Variants in BAIAP2 observed in about 807,000 individuals in gnomAD.
The protein encoded by BAIAP2 is BAR/IMD domain containing adaptor protein 2.
Under a neutral mutation model 63.0 loss-of-function variants are expected in BAIAP2, and 18 were observed. The ratio of observed to expected loss-of-function variants is 0.29; its 90% CI spans 0.20 to 0.42. The LOEUF is 0.42. BAIAP2 is among the 10% of genes least tolerant of loss of function. The pLI is 1.00. For synonymous variants in BAIAP2, 386 were observed against 307.6 expected (o/e 1.25, Z -2.67); for missense variants, 610 against 734.3 (o/e 0.83, Z 1.96).
chr17:81,041,281 C>T (rs1468127794), intron 1 of BAIAP2, among the ~76,000 whole-genome samples: 1 of 152,200 alleles, frequency 6.6e-6, no homozygotes, highest in Non-Finnish European at 1.5e-5. Context: ...CAGGATGCTC[C>T]CAGGGTCCCT....
At position 81,116,259 on chromosome 17, in the gene BAIAP2, G is replaced by A. The variant is rs1475043194; in HGVS notation, c.*420G>A. The A allele has an allele frequency of 6.2e-7, 1 of 1,612,826 alleles. No homozygotes were observed. The highest frequency in any genetic ancestry group is 1.7e-5 in the Admixed American group (1 of 60,028). On this transcript the variant is annotated 3_prime_UTR_variant, in exon 14 of 14. Transcript: ENST00000428708. ...GATCTGTCCGCCCAAGGGCCAGAAG[G>A]CCGGGAGCACGGGGATGGGAGCGCC... is the stretch of plus-strand genomic sequence containing the variant.
At chr17:81,040,623 T>A (rs1182632196) in intron 1 of BAIAP2, among the ~76,000 whole-genome samples, 2 of 152,262 alleles carry the variant, frequency 1.3e-5, no homozygotes, top group African/African-American at 4.8e-5. Flanking sequence ...GAACACATCT[T>A]GTTTCTGGAT....
intron 6 of BAIAP2, chr17:81,086,871 C>A: frequency 6.1e-6 from 2 of 329,574 alleles, no homozygotes; most frequent in Non-Finnish European, 1.1e-5. Context: ...CTGTTCTCCC[C>A]ATCCCTGCCC....
chr17:81,109,483 G>A (rs941908032), intron 13 of BAIAP2: 6 of 984,900 alleles, frequency 6.1e-6, no homozygotes, highest in South Asian at 4.7e-5. Context: ...CTGTTATCTC[G>A]CATCCGACTT....
At chr17:81,098,937 C>T (rs990064363) in intron 6 of BAIAP2, among the ~76,000 whole-genome samples, 7 of 151,974 alleles carry the variant, frequency 4.6e-5, no homozygotes, top group East Asian at 1.9e-4. Flanking sequence ...AAAGCTTCCG[C>T]GTTTGTCTGG....
At chr17:81,075,936 ATT>A (rs56219227) in intron 3 of BAIAP2, among the ~76,000 whole-genome samples, 13 of 145,358 alleles carry the variant, frequency 8.9e-5, no homozygotes, top group Admixed American at 1.4e-4. Context: ...TCTGCTGGGA[ATT>A]TTTTTTTTTT....
intron 9 of BAIAP2, 36 bp from the exon 10 acceptor site, chr17:81,104,477 CA>C (rs745380364): frequency 9.7e-6 from 15 of 1,549,966 alleles, no homozygotes; most frequent in Non-Finnish European, 1.2e-5. Flanking sequence ...CCCCGCCAGC[CA>C]GGGGCAGTCC....
intron 6 of BAIAP2, among the ~76,000 whole-genome samples, chr17:81,098,985 CA>C (rs1568166398): frequency 1.0e-5 from 1 of 95,762 alleles, no homozygotes; most frequent in African/African-American, 3.1e-5. Flanking sequence ...CCCATCCCCC[CA>C]TCCCCCCATC....
chr17:81,053,417 C>T (rs982720955), intron 1 of BAIAP2: 2 of 535,776 alleles, frequency 3.7e-6, no homozygotes, highest in Admixed American at 3.3e-5. Flanking sequence ...CGCAGACACT[C>T]CTCTGCGGCC....
chr17:81,097,854 C>T (rs2057894313), intron 6 of BAIAP2, among the ~76,000 whole-genome samples: 2 of 152,174 alleles, frequency 1.3e-5, no homozygotes, highest in Admixed American at 1.3e-4. Flanking sequence ...CTCGGGTGCT[C>T]CTCCCTTGCC....
intron 3 of BAIAP2, among the ~76,000 whole-genome samples, chr17:81,080,348 G>C (rs1250921011): frequency 6.6e-6 from 1 of 152,246 alleles, no homozygotes; most frequent in East Asian, 1.9e-4. Flanking sequence ...TTCAAGGCAT[G>C]GGATGATTTT....
chr17:81,041,541 C>CGTTTTTTGTTT (rs1271871038), intron 1 of BAIAP2, among the ~76,000 whole-genome samples: 1 of 151,946 alleles, frequency 6.6e-6, no homozygotes, highest in Non-Finnish European at 1.5e-5. Context: ...AGTGTTTTTT[C>CGTTTTTTGTTT]GTTTTTTGTT....
intron 2 of BAIAP2, among the ~76,000 whole-genome samples, chr17:81,055,342 G>A (rs1447814906): frequency 6.6e-6 from 1 of 152,120 alleles, no homozygotes; most frequent in East Asian, 1.9e-4. Flanking sequence ...GTTGGGGGTG[G>A]CCTTCATGTT....
chr17:81,048,495 C>G (rs763379526), intron 1 of BAIAP2, among the ~76,000 whole-genome samples: 1 of 152,124 alleles, frequency 6.6e-6, no homozygotes, highest in African/African-American at 2.4e-5. Flanking sequence ...CCCTTTGTTC[C>G]CCAAGTTGGG....
chr17:81,103,829 G>A (rs2145905650), intron 8 of BAIAP2, 78 bp from the exon 9 acceptor site: 8 of 1,594,762 alleles, frequency 5.0e-6, no homozygotes, highest in Non-Finnish European at 6.0e-6. Flanking sequence ...CCTGCTGAGG[G>A]GGCGGAGGGT....
chr17:81,087,246 G>A (rs1342053648), intron 6 of BAIAP2, among the ~76,000 whole-genome samples: 1 of 152,234 alleles, frequency 6.6e-6, no homozygotes, highest in Non-Finnish European at 1.5e-5. Context: ...CAGTCACCCA[G>A]GTAGAAGCTT....
intron 3 of BAIAP2, among the ~76,000 whole-genome samples, chr17:81,073,472 C>T (rs1489489717): frequency 6.6e-6 from 1 of 152,176 alleles, no homozygotes; most frequent in Non-Finnish European, 1.5e-5. Context: ...TTTTAACTGA[C>T]TAAGCAGAGT....
chr17:81,103,850 C>G (rs2058803860), intron 8 of BAIAP2, 57 bp from the exon 9 acceptor site: 14 of 1,605,020 alleles, frequency 8.7e-6, no homozygotes, highest in African/African-American at 1.3e-5. Context: ...TCTCTTTCCC[C>G]CTGGTCTTGC....
At chr17:81,036,735 T>A (rs765315309) in intron 1 of BAIAP2, 80 of 791,432 alleles carry the variant, frequency 1.0e-4, no homozygotes, top group Non-Finnish European at 1.4e-4. Flanking sequence ...GGTTGTTAGG[T>A]TTGGTTTCAC....
Sources: gnomAD v4.1 joint callset for allele counts (sites outside exome capture counted in the v4.1 genomes callset) on GRCh38, gnomAD v4.1.1 for gene constraint, MANE v1.5 for transcripts, NCBI Gene and HGNC (gene_info 2026-07-23, HGNC 2026-07-21) for gene names.